The following CENPE variants were observed in gnomAD, a reference collection of about 807,000 sequenced individuals.
CENPE encodes the protein centromere-associated protein E.
A neutral mutation model predicts 336.1 loss-of-function variants in CENPE; 145 were observed. The ratio of observed to expected loss-of-function variants is 0.43; its 90% CI spans 0.38 to 0.50. The LOEUF (loss-of-function observed/expected upper bound fraction) is 0.50. Ranked by LOEUF, CENPE falls within the 20% of genes least tolerant of loss-of-function variation. CENPE has a pLI of 0.00. For missense variants in CENPE, 2,719 were observed against 3,023.3 expected, an observed-to-expected ratio of 0.90 and a Z score of 2.36; for synonymous variants, 1,013 against 984.8, an observed-to-expected ratio of 1.03 and a Z score of -0.54.
At chr4:103,169,024 TA>T (rs1381932910) in intron 16 of CENPE, among the ~76,000 whole-genome samples, 3 of 152,090 alleles carry the variant, frequency 2.0e-5, no homozygotes, top group Non-Finnish European at 2.9e-5. Context: ...GAATTCAAAA[TA>T]GCTATTTTAA....
intron 42 of CENPE, among the ~76,000 whole-genome samples, chr4:103,123,380 G>C (rs1284570270): frequency 6.6e-6 from 1 of 152,108 alleles, no homozygotes; most frequent in African/African-American, 2.4e-5. Flanking sequence ...TCCGATTGCT[G>C]CTGTATTGCA....
In CENPE at chr4:103,106,288, C is replaced by G; in HGVS notation, c.8040G>C (p.Val2680=). 2 of 1,600,614 alleles carry G rather than the reference C, an allele frequency of 1.2e-6. 1 individual carries two copies. The highest frequency in any genetic ancestry group is 2.3e-5 in the South Asian group (2 of 88,076). The change falls in exon 49 of 49, where the codon GTG becomes GTC. Residue 2680 remains valine, a synonymous_variant. Coordinates refer to ENST00000265148, the MANE Select transcript of CENPE (RefSeq NM_001813.3). ...PEVQNAGAES[V]DSQPGPWHAS... The stretch of plus-strand genomic sequence containing the variant: ...CGTGCCAAGGACCTGGCTGAGAATC[C>G]ACACTCTCTGCTCCTGCATTTTGCA...
chr4:103,146,666 G>GT lies in CENPE; in HGVS notation c.4135-560_4135-559insA, dbSNP rs1280285517. ...ATAAGACCGGCAAGATCTGCACCTA[G>GT]GGCCTCATAGGCCACATAAAGGATC... On this transcript the variant is annotated intron_variant, in intron 29 of 48. Coordinates refer to ENST00000265148, the MANE Select transcript of CENPE (RefSeq NM_001813.3). 9.1e-3 allele frequency among the ~76,000 whole-genome samples: 1,389 copies of GT among 152,282 alleles called. 19 individuals carry two copies. The highest frequency in any genetic ancestry group is 0.031 in the African/African-American group (1,283 of 41,538).
intron 9 of CENPE, among the ~76,000 whole-genome samples, chr4:103,185,069 C>A (rs1394507521): frequency 3.3e-5 from 5 of 152,110 alleles, no homozygotes; most frequent in Non-Finnish European, 7.4e-5. Context: ...CTTTGGGAGG[C>A]CGAGGTGGGC....
intron 45 of CENPE, among the ~76,000 whole-genome samples, chr4:103,115,236 C>T (rs1004323034): frequency 2.6e-5 from 4 of 152,062 alleles, no homozygotes; most frequent in African/African-American, 9.6e-5. Flanking sequence ...TGAGCTCAAG[C>T]GATTCTCCTG....
At chr4:103,109,643 C>G (rs1167680247) in intron 47 of CENPE, among the ~76,000 whole-genome samples, 16 of 152,140 alleles carry the variant, frequency 1.1e-4, no homozygotes, top group African/African-American at 2.9e-4. Flanking sequence ...CACTCTCATC[C>G]TATCTATCAA....
intron 16 of CENPE, among the ~76,000 whole-genome samples, chr4:103,174,500 T>C (rs544229803): frequency 6.6e-6 from 1 of 152,174 alleles, no homozygotes; most frequent in Non-Finnish European, 1.5e-5. Context: ...GTGGATACTA[T>C]GTGCTATCAC....
intron 39 of CENPE, 117 bp downstream of exon 39, chr4:103,138,234 G>C: frequency 1.4e-6 from 1 of 719,732 alleles, no homozygotes; most frequent in Non-Finnish European, 2.5e-6. Flanking sequence ...ACAATGTTTA[G>C]AAAAATACTG....
chr4:103,162,522 A>G (rs1027805545), intron 18 of CENPE, among the ~76,000 whole-genome samples: 8 of 152,088 alleles, frequency 5.3e-5, no homozygotes, highest in African/African-American at 1.9e-4. Flanking sequence ...ATACTACTGC[A>G]TGCATTTGTA....
chr4:103,127,097 T>TAAAAAAAAAA (rs768685995), intron 42 of CENPE, among the ~76,000 whole-genome samples: 7 of 75,138 alleles, frequency 9.3e-5, no homozygotes, highest in Non-Finnish European at 1.7e-4. Flanking sequence ...GGGACAAATA[T>TAAAAAAAAAA]AAAAAAAAAA....
chr4:103,113,478 T>C (rs966249418), intron 46 of CENPE, among the ~76,000 whole-genome samples: 10 of 141,490 alleles, frequency 7.1e-5, no homozygotes, highest in African/African-American at 2.6e-4. Context: ...ATATAACTTA[T>C]ATATTACTTA....
intron 42 of CENPE, among the ~76,000 whole-genome samples, chr4:103,124,172 G>A (rs919175028): frequency 1.7e-4 from 26 of 152,190 alleles, no homozygotes; most frequent in African/African-American, 4.8e-5. Flanking sequence ...CGGGGGTGGG[G>A]GGTCTTGATA....
intron 24 of CENPE, among the ~76,000 whole-genome samples, chr4:103,157,905 A>G (rs1232168864): frequency 4.6e-5 from 7 of 151,958 alleles, no homozygotes; most frequent in Non-Finnish European, 1.5e-5. Flanking sequence ...TTACAAAATT[A>G]CTGTTACCAA....
chr4:103,109,173 T>C (rs1259433559), intron 47 of CENPE, 84 bp from the exon 48 acceptor site: 4 of 1,049,544 alleles, frequency 3.8e-6, no homozygotes, highest in Non-Finnish European at 5.3e-6. Flanking sequence ...AAATTAAAAA[T>C]AAATTGTGAT....
At position 103,159,170 on chromosome 4, in the gene CENPE, C is replaced by T; in HGVS notation, c.2441G>A (p.Ser814Asn). Residue 814 changes from serine to asparagine, a missense_variant, in exon 22 of 49, where the codon AGC (serine) becomes AAC (asparagine). This residue lies in a region of CENPE where 2,437 missense variants were observed against 2,513.3 expected (regional missense o/e 0.97). Coordinates refer to ENST00000265148, the MANE Select transcript of CENPE (RefSeq NM_001813.3). The stretch of plus-strand genomic sequence containing the variant: ...GAAATTTTGGAATTCTTGATCAGTG[C>T]TTTTATAATTCGACTGTGTAGTTGC... ...DLATTQSNYK[S>N]TDQEFQNFKT... 2.5e-6 allele frequency: 4 copies of T among 1,612,418 alleles called. No individual in the cohort carries two copies. Among genetic ancestry groups the T allele is most frequent in the Non-Finnish European group, 3.4e-6 (4 of 1,179,166 alleles).
At chr4:103,106,361 C>T (rs1380844454) in intron 48 of CENPE, 45 bp from the exon 49 acceptor site, 3 of 1,453,538 alleles carry the variant, frequency 2.1e-6, no homozygotes, top group East Asian at 2.4e-5. Context: ...TACAAAAATA[C>T]ACAAAAACCA....
intron 2 of CENPE, 111 bp downstream of exon 2, chr4:103,196,648 T>C (rs1362609877): frequency 1.3e-5 from 8 of 632,406 alleles, no homozygotes; most frequent in Non-Finnish European, 2.2e-5. Flanking sequence ...AAGCAGTTTA[T>C]AGAAGGCTTA....
intron 47 of CENPE, 143 bp downstream of exon 47, chr4:103,110,685 T>C (rs1038307223): frequency 4.0e-6 from 2 of 501,380 alleles, no homozygotes; most frequent in African/African-American, 4.0e-5. Flanking sequence ...TTAAAAAAGA[T>C]ACTTATTACC....
rs199840253 is a variant in CENPE, at chr4:103,140,398, T to C, written c.5771A>G (p.Gln1924Arg). Residue 1924 changes from glutamine to arginine, a missense_variant, in exon 37 of 49, where the codon CAG becomes CGG. Physicochemically the swap from Gln to Arg is conservative, Grantham distance 43 (BLOSUM62 1). Transcript: ENST00000265148. ...ETKARDLEIQQELKTARMLSK... is the reference protein window; with the variant it reads ...ETKARDLEIQRELKTARMLSK... Reference sequence around the variant, plus strand: ...TAGCATACGAGCAGTTTTTAGTTCCTGTTGTATTTCCAGATCCTTTATGGT... The same window carrying C: ...TAGCATACGAGCAGTTTTTAGTTCCCGTTGTATTTCCAGATCCTTTATGGT... 414 of 1,592,214 alleles carry C rather than the reference T, an allele frequency of 2.6e-4. 3 individuals carry two copies. The highest frequency in any genetic ancestry group is 2.1e-5 in the Non-Finnish European group (25 of 1,171,734).
Sources: allele counts gnomAD v4.1 joint callset (sites outside exome capture counted in the v4.1 genomes callset), GRCh38; gene constraint gnomAD v4.1.1; regional missense constraint gnomAD v4.1.1; transcripts MANE v1.5; gene names NCBI Gene and HGNC (gene_info 2026-07-23, HGNC 2026-07-21).